Variants in SPIDR observed in about 807,000 individuals in gnomAD.
The protein encoded by SPIDR is scaffold protein involved in DNA repair, also known as DNA repair-scaffolding protein.
A neutral mutation model predicts 104.6 loss-of-function variants in SPIDR; 93 were observed. The observed-to-expected ratio is 0.89, with a 90% CI of 0.75 to 1.06. The LOEUF is 1.06. SPIDR is among the 50% of genes least tolerant of loss of function. The probability of loss-of-function intolerance (pLI) is 0.00; values close to 1 mark genes in which losing one functional copy is unlikely to be tolerated. For missense variants in SPIDR, 1,154 were observed against 1,111.2 expected (o/e 1.04, Z -0.55); for synonymous variants, 431 against 416.9 (o/e 1.03, Z -0.41).
chr8:47,472,990 C>A (rs1278584062), intron 8 of SPIDR, among the ~76,000 whole-genome samples: 3 of 152,156 alleles, frequency 2.0e-5, no homozygotes, highest in Non-Finnish European at 2.9e-5. Context: ...AACCAGCACA[C>A]CCATGAGTTT....
chr8:47,290,365 A>G (rs1340091302), intron 3 of SPIDR, among the ~76,000 whole-genome samples: 2 of 152,216 alleles, frequency 1.3e-5, no homozygotes, highest in Non-Finnish European at 2.9e-5. Flanking sequence ...TGGTGTAGCT[A>G]TAAAAAGGTA....
intron 10 of SPIDR, among the ~76,000 whole-genome samples, chr8:47,657,252 A>G (rs1192179880): frequency 2.6e-5 from 4 of 152,232 alleles, no homozygotes; most frequent in African/African-American, 9.6e-5. Context: ...AAGGCATAAT[A>G]GCTTGTTTTA....
intron 8 of SPIDR, chr8:47,528,090 C>T (rs1201447016): frequency 1.3e-5 from 2 of 152,166 alleles, no homozygotes; most frequent in African/African-American, 2.4e-5. Context: ...TAACAAACCT[C>T]ACATATGTTG....
intron 5 of SPIDR, among the ~76,000 whole-genome samples, chr8:47,297,375 A>G (rs1449015334): frequency 6.6e-6 from 1 of 152,162 alleles, no homozygotes; most frequent in Non-Finnish European, 1.5e-5. Context: ...TATAAACACA[A>G]TATATTCCTT....
chr8:47,339,538 T>C (rs997135720), intron 5 of SPIDR, among the ~76,000 whole-genome samples: 23 of 152,112 alleles, frequency 1.5e-4, no homozygotes, highest in Admixed American at 2.6e-4. Flanking sequence ...TGAAAATGGG[T>C]ATTTATTTAA....
At chr8:47,378,756 G>C (rs2058975794) in intron 5 of SPIDR, among the ~76,000 whole-genome samples, 1 of 152,230 alleles carries the variant, frequency 6.6e-6, no homozygotes, top group Non-Finnish European at 1.5e-5. Flanking sequence ...GTACACCTAA[G>C]ATGGCAAGAT....
chr8:47,595,893 T>G lies in SPIDR; in HGVS notation c.1180T>G (p.Ser394Ala), dbSNP rs756587287. 6.2e-6 allele frequency: 10 copies of G among 1,614,080 alleles called. No homozygotes were observed. The highest frequency in any genetic ancestry group is 2.7e-5 in the African/African-American group (2 of 74,940). The change falls in exon 9 of 20, where the codon TCA becomes GCA. Residue 394 changes from serine to alanine, a missense_variant. By Grantham distance (99) the Ser-to-Ala change is moderately conservative. Transcript: ENST00000297423. ...FCEKVVAKED[S>A]EKTCEVYCPD... The stretch of plus-strand genomic sequence containing the variant: ...TGAGAAAGTTGTTGCCAAAGAAGAT[T>G]CAGAAAAAACTTGTGAAGTGTACTG...
At chr8:47,724,596 G>A (rs1563671603) in intron 16 of SPIDR, among the ~76,000 whole-genome samples, 1 of 152,200 alleles carries the variant, frequency 6.6e-6, no homozygotes, top group Non-Finnish European at 1.5e-5. Context: ...TGGTGCTAGG[G>A]CTTGGGCAGC....
At chr8:47,658,759 A>AC (rs1334607938) in intron 10 of SPIDR, among the ~76,000 whole-genome samples, 2 of 150,446 alleles carry the variant, frequency 1.3e-5, no homozygotes, top group Non-Finnish European at 3.0e-5. Flanking sequence ...ACGTAGCGAA[A>AC]CCCCATCTCT....
chr8:47,642,308 C>T (rs916086308), intron 10 of SPIDR, among the ~76,000 whole-genome samples: 2 of 150,108 alleles, frequency 1.3e-5, no homozygotes, highest in Admixed American at 1.3e-4. Context: ...CCCAGCTACT[C>T]GGGAGGCTGA....
At chr8:47,552,582 C>A (rs1234418329) in intron 8 of SPIDR, among the ~76,000 whole-genome samples, 1 of 151,962 alleles carries the variant, frequency 6.6e-6, no homozygotes, top group Non-Finnish European at 1.5e-5. Context: ...GGATTGCAAC[C>A]CCTGCTTTTT....
At chr8:47,261,098 G>T in intron 1 of SPIDR, 107 bp downstream of exon 1, 1 of 1,172,524 alleles carries the variant, frequency 8.5e-7, no homozygotes, top group Middle Eastern at 3.3e-4. Flanking sequence ...GAGGGTGGGC[G>T]TTGGGGGTGA....
chr8:47,297,452 T>A lies in SPIDR; in HGVS notation c.525+3422T>A, dbSNP rs587645526. Among the ~76,000 whole-genome samples the A allele has an allele frequency of 4.0e-3, 615 of 152,206 alleles. 4 individuals are homozygous for A. Among genetic ancestry groups the A allele is most frequent in the South Asian group, 0.022 (106 of 4,820 alleles). ...TGAGTTGTGTCACATGCTTTTTCCA[T>A]ATCTATTTTTTTTTATTATTATACT... On this transcript the variant is annotated intron_variant, in intron 5 of 19. Coordinates refer to ENST00000297423, the MANE Select transcript of SPIDR (RefSeq NM_001080394.4).
Position 47,459,599 on chromosome 8 carries a change from G to A in SPIDR, c.1097+19057G>A, listed in dbSNP as rs542506785. Among the ~76,000 whole-genome samples the A allele has an allele frequency of 9.2e-5, 14 of 151,856 alleles. 1 individual carries two copies. In the South Asian group the frequency reaches 2.5e-3, roughly 27 times the overall value. ...GAACCAGCTTTTTGTTTCATTTATC[G>A]TTTGTATTTTTTTTGTTTCAATTTC... On this transcript the variant is annotated intron_variant, in intron 8 of 19. Transcript: ENST00000297423.
chr8:47,507,679 C>T (rs995933275), intron 8 of SPIDR, among the ~76,000 whole-genome samples: 2 of 152,170 alleles, frequency 1.3e-5, no homozygotes, highest in Non-Finnish European at 2.9e-5. Flanking sequence ...GACACAGTAT[C>T]CTGGACATGT....
intron 16 of SPIDR, among the ~76,000 whole-genome samples, chr8:47,724,880 TG>T (rs1365828209): frequency 6.6e-6 from 1 of 152,158 alleles, no homozygotes; most frequent in Non-Finnish European, 1.5e-5. Context: ...CTGTGTCTTC[TG>T]GGGTGAAGTC....
intron 8 of SPIDR, among the ~76,000 whole-genome samples, chr8:47,456,579 C>T (rs1311023243): frequency 6.6e-6 from 1 of 152,032 alleles, no homozygotes; most frequent in Non-Finnish European, 1.5e-5. Flanking sequence ...CTTATATAAC[C>T]ATTTGGTCCA....
intron 10 of SPIDR, among the ~76,000 whole-genome samples, chr8:47,625,444 A>G (rs1007686001): frequency 6.6e-6 from 1 of 152,226 alleles, no homozygotes; most frequent in Non-Finnish European, 1.5e-5. Context: ...AGGAAGTCAA[A>G]TTGTCCCTGT....
At chr8:47,266,815 G>A (rs1221405025) in intron 1 of SPIDR, among the ~76,000 whole-genome samples, 2 of 152,160 alleles carry the variant, frequency 1.3e-5, no homozygotes, top group Admixed American at 1.3e-4. Flanking sequence ...TATTTACAGA[G>A]TTGTACAAAT....
Sources: allele counts gnomAD v4.1 joint callset (sites outside exome capture counted in the v4.1 genomes callset), GRCh38; gene constraint gnomAD v4.1.1; transcripts MANE v1.5; gene names NCBI Gene and HGNC (gene_info 2026-07-23, HGNC 2026-07-21).